TPRG1: variants seen among roughly 807,000 people sequenced by gnomAD.
The protein encoded by TPRG1 is tumor protein p63 regulated 1.
TPRG1 carries 29 observed loss-of-function variants against 29.3 expected under a neutral mutation model. The ratio of observed to expected loss-of-function variants is 0.99; its 90% CI spans 0.74 to 1.35. The LOEUF is 1.35. TPRG1 is among the 40% of genes most tolerant of loss of function. The pLI is 0.00. For synonymous variants in TPRG1, 130 were observed against 116.8 expected (o/e 1.11, Z -0.73); for missense variants, 327 against 335.0 (o/e 0.98, Z 0.19).
chr3:189,223,809 T>C (rs950892647), intron 3 of TPRG1, among the ~76,000 whole-genome samples: 3 of 152,220 alleles, frequency 2.0e-5, no homozygotes, highest in African/African-American at 7.2e-5. Flanking sequence ...GTACAATGCT[T>C]ATGACAGTTT....
intron 1 of TPRG1, among the ~76,000 whole-genome samples, chr3:189,107,983 A>G (rs1578377514): frequency 6.6e-6 from 1 of 152,000 alleles, no homozygotes; most frequent in African/African-American, 2.4e-5. Context: ...GTTTAAACCA[A>G]CTCTTTGAAT....
At chr3:189,303,775 T>C (rs1371159274) in intron 4 of TPRG1, among the ~76,000 whole-genome samples, 1 of 152,152 alleles carries the variant, frequency 6.6e-6, no homozygotes, top group Non-Finnish European at 1.5e-5. Context: ...ACATTGTGAG[T>C]CATGAAATCT....
intron 3 of TPRG1, among the ~76,000 whole-genome samples, chr3:189,224,571 A>G (rs1234975664): frequency 6.6e-6 from 1 of 152,220 alleles, no homozygotes; most frequent in African/African-American, 2.4e-5. Context: ...GGAATCACAA[A>G]CAGTTCAATG....
intron 5 of TPRG1, among the ~76,000 whole-genome samples, chr3:189,315,029 C>T (rs574060386): frequency 6.6e-6 from 1 of 152,094 alleles, no homozygotes; most frequent in African/African-American, 2.4e-5. Context: ...ACCTATAATC[C>T]CAGCTACTTG....
intron 1 of TPRG1, among the ~76,000 whole-genome samples, chr3:189,202,380 A>G (rs771064769): frequency 5.3e-5 from 8 of 152,138 alleles, no homozygotes; most frequent in Non-Finnish European, 1.0e-4. Context: ...AAATGGGAGT[A>G]GAAAGAATGT....
At chr3:189,154,373 A>C (rs1726365307) in intron 5 of TPRG1, among the ~76,000 whole-genome samples, 1 of 152,108 alleles carries the variant, frequency 6.6e-6, no homozygotes, top group Non-Finnish European at 1.5e-5. Context: ...CTATGGGCTG[A>C]GCCTTATTCT....
chr3:189,139,455 C>T (rs187826301), intron 3 of TPRG1, among the ~76,000 whole-genome samples: 2 of 152,274 alleles, frequency 1.3e-5, no homozygotes, highest in Non-Finnish European at 2.9e-5. Context: ...CCAGAGAGCA[C>T]GTACATGTTA....
chr3:189,150,471 G>A (rs544434111), intron 4 of TPRG1, among the ~76,000 whole-genome samples: 12 of 152,116 alleles, frequency 7.9e-5, no homozygotes, highest in East Asian at 7.7e-4. Context: ...ATGAGCCACC[G>A]CGCCGAGATC....
chr3:189,022,507 T>C (rs1266475817), intron 3 of TPRG1, among the ~76,000 whole-genome samples: 6 of 151,576 alleles, frequency 4.0e-5, no homozygotes, highest in Non-Finnish European at 1.5e-5. Context: ...GGTGTCAGTG[T>C]GCCCCTGCTG....
chr3:189,238,956 C>T, intron 4 of TPRG1, 47 bp downstream of exon 4: 3 of 1,487,634 alleles, frequency 2.0e-6, no homozygotes, highest in South Asian at 1.4e-5. Flanking sequence ...CAGGGATGGA[C>T]CTGCAGGGAA....
intron 4 of TPRG1, among the ~76,000 whole-genome samples, chr3:189,053,555 C>A (rs558029888): frequency 1.3e-5 from 2 of 152,270 alleles, no homozygotes; most frequent in Non-Finnish European, 2.9e-5. Flanking sequence ...TTCCTGTTGA[C>A]CAACTCCTGC....
chr3:189,196,342 A>G (rs6770032), intron 1 of TPRG1, among the ~76,000 whole-genome samples: 98,295 of 152,072 alleles, frequency 0.65, 32,928 homozygotes, highest in African/African-American at 0.83. Context: ...TGACTTCGGT[A>G]ATTATTTGCA....
chr3:189,284,755 G>A (rs941100772), intron 4 of TPRG1, among the ~76,000 whole-genome samples: 14 of 152,222 alleles, frequency 9.2e-5, no homozygotes, highest in Middle Eastern at 3.4e-3. Flanking sequence ...GCTGAAACTG[G>A]ATCCCTTCCT....
chr3:189,138,620 G>A (rs980637786), intron 3 of TPRG1, among the ~76,000 whole-genome samples: 4 of 152,174 alleles, frequency 2.6e-5, no homozygotes, highest in African/African-American at 2.4e-5. Context: ...TAAAGGTGAT[G>A]TCTGGAAGTT....
At chr3:189,120,666 G>A (rs1472883503) in intron 1 of TPRG1, among the ~76,000 whole-genome samples, 1 of 152,240 alleles carries the variant, frequency 6.6e-6, no homozygotes, top group Admixed American at 6.5e-5. Flanking sequence ...CCAGAGAAAA[G>A]TAATGTCTAG....
intron 3 of TPRG1, among the ~76,000 whole-genome samples, chr3:189,018,861 G>A (rs1363761848): frequency 6.7e-6 from 1 of 148,758 alleles, no homozygotes; most frequent in African/African-American, 2.5e-5. Context: ...TCCTACCCAT[G>A]AGCATGGAAT....
chr3:189,316,788 G>A (rs1179484287), intron 5 of TPRG1, among the ~76,000 whole-genome samples: 2 of 152,198 alleles, frequency 1.3e-5, no homozygotes, highest in African/African-American at 4.8e-5. Context: ...AGAGGTGGGT[G>A]CATAAAAGCT....
At chr3:189,044,697 C>A (rs1028496645) in intron 4 of TPRG1, among the ~76,000 whole-genome samples, 1 of 152,054 alleles carries the variant, frequency 6.6e-6, no homozygotes, top group Non-Finnish European at 1.5e-5. Flanking sequence ...CAGCAAAGAG[C>A]AATGGCCTAA....
At chr3:189,092,040 T>C (rs1560439022) in intron 4 of TPRG1, among the ~76,000 whole-genome samples, 1 of 152,194 alleles carries the variant, frequency 6.6e-6, no homozygotes, top group African/African-American at 2.4e-5. Context: ...TCTCCTGATA[T>C]GTAGTTTTGC....
Sources: allele counts gnomAD v4.1 joint callset (sites outside exome capture counted in the v4.1 genomes callset), GRCh38; gene constraint gnomAD v4.1.1; transcripts MANE v1.5; gene names NCBI Gene and HGNC (gene_info 2026-07-23, HGNC 2026-07-21).